Variants in SETX observed in about 807,000 individuals in gnomAD.
SETX encodes the protein helicase senataxin.
SETX carries 90 observed loss-of-function variants against 227.2 expected under a neutral mutation model. The observed-to-expected ratio is 0.40, with a 90% CI of 0.33 to 0.47. The LOEUF (loss-of-function observed/expected upper bound fraction) is 0.47. Ranked by LOEUF, SETX falls within the 20% of genes least tolerant of loss-of-function variation. The pLI is 0.91. For synonymous variants in SETX, 1,210 were observed against 1,113.2 expected, an observed-to-expected ratio of 1.09 and a Z score of -1.73; for missense variants, 3,052 against 3,181.5, an observed-to-expected ratio of 0.96 and a Z score of 0.98.
At chr9:132,319,120 C>A (rs1315320863) in intron 10 of SETX, among the ~76,000 whole-genome samples, 1 of 152,132 alleles carries the variant, frequency 6.6e-6, no homozygotes, top group African/African-American at 2.4e-5. Context: ...CAGAATCATC[C>A]TCCCTTCTTA....
chr9:132,352,116 C>T (rs1328933152), intron 2 of SETX, among the ~76,000 whole-genome samples: 2 of 152,274 alleles, frequency 1.3e-5, no homozygotes, highest in East Asian at 1.9e-4. Flanking sequence ...TCTTCAGCTC[C>T]TTTGCACTCT....
rs898369622 is a variant in SETX at position 132,336,201 on chromosome 9, C to T, written c.718+95G>A. The stretch of plus-strand genomic sequence containing the variant: ...GAGCTTGCGGTGAGTGGAGATGGTG[C>T]CACTGCACTCCAGCCTGGGCAACAG... On this transcript the variant is annotated intron_variant, in intron 6 of 25. Transcript: ENST00000224140. The T allele has an allele frequency of 2.3e-5, 23 of 1,011,304 alleles. No individual in the cohort carries two copies. The African/African-American group carries it at 2.6e-4, about 12-fold the overall frequency. 62.6% of individuals were successfully genotyped at this position (1,011,304 alleles called of 1,614,324 possible). A position where few individuals can be genotyped will look rare whatever the true frequency, so the allele number is the denominator to read the frequency against.
intron 15 of SETX, among the ~76,000 whole-genome samples, chr9:132,293,509 C>A (rs1382401558): frequency 6.6e-6 from 1 of 152,162 alleles, no homozygotes; most frequent in Non-Finnish European, 1.5e-5. Context: ...GCAACCTCCA[C>A]TTCCCGGGTT....
At chr9:132,346,510 A>C (rs760667094) in intron 3 of SETX, 39 bp from the exon 4 acceptor site, 10 of 1,409,198 alleles carry the variant, frequency 7.1e-6, no homozygotes, top group Non-Finnish European at 9.9e-6. Flanking sequence ...GTTATGTCTT[A>C]TCATCAACAA....
intron 20 of SETX, among the ~76,000 whole-genome samples, chr9:132,278,785 T>G (rs141632991): frequency 6.4e-4 from 97 of 152,314 alleles, no homozygotes; most frequent in African/African-American, 2.3e-3. Flanking sequence ...TTAACAATTA[T>G]TTCTGGGGGT....
At chr9:132,312,951 A>C (rs1373988068) in intron 10 of SETX, among the ~76,000 whole-genome samples, 1 of 152,222 alleles carries the variant, frequency 6.6e-6, no homozygotes, top group East Asian at 1.9e-4. Flanking sequence ...GATAGGCCTC[A>C]AAAAGATTAC....
intron 2 of SETX, among the ~76,000 whole-genome samples, chr9:132,351,201 C>T (rs577436308): frequency 7.2e-5 from 11 of 151,990 alleles, no homozygotes; most frequent in African/African-American, 2.4e-4. Context: ...ACTTAGAAGA[C>T]GTAAGAACAG....
rs925468847 is a variant in SETX at position 132,296,137 on chromosome 9, C to T, written c.5950-109G>A. On this transcript the variant is annotated intron_variant, in intron 14 of 25. Transcript: ENST00000224140. ...ACTTCCATGTATTTTTGAAAGTTCT[C>T]GTAATAAAGTTAAAAATAAATAAAA... 15 of 1,327,976 alleles carry T rather than the reference C, an allele frequency of 1.1e-5. No individual in the cohort carries two copies. The Admixed American group carries it at 1.3e-4, about 11-fold the overall frequency. 82.3% of individuals were successfully genotyped at this position (1,327,976 alleles called of 1,614,324 possible).
chr9:132,349,364 G>A lies in SETX; in HGVS notation c.65C>T (p.Ala22Val). 6.2e-7 allele frequency: 1 copy of A among 1,614,172 alleles called. No homozygotes were observed. The highest frequency in any genetic ancestry group is 1.3e-5 in the African/African-American group (1 of 75,048). The change falls in exon 3 of 26, where the codon GCT becomes GTT. Residue 22 changes from alanine to valine, a missense_variant. This residue lies in a region of SETX where 152 missense variants were observed against 156.2 expected (regional missense o/e 0.97). Coordinates refer to ENST00000224140, the MANE Select transcript of SETX (RefSeq NM_015046.7). ...ASTIDFLKRY[A>V]SNTPSGEFQT... ...AAATTCACCGGACGGAGTGTTGGAA[G>A]CATAGCGCTTTAGGAAGTCAATGGT...
At chr9:132,323,975 C>G (rs1265677718) in intron 10 of SETX, among the ~76,000 whole-genome samples, 1 of 151,816 alleles carries the variant, frequency 6.6e-6, no homozygotes, top group East Asian at 1.9e-4. Flanking sequence ...AAAATAGTTA[C>G]TTGAGGGGAT....
chr9:132,324,021 A>G (rs936231290), intron 10 of SETX, among the ~76,000 whole-genome samples: 3 of 152,234 alleles, frequency 2.0e-5, no homozygotes, highest in Non-Finnish European at 4.4e-5. Context: ...TGGGCCAGAT[A>G]GAAATCTTTG....
At chr9:132,297,180 G>A in intron 13 of SETX, 126 bp from the exon 14 acceptor site, 1 of 691,708 alleles carries the variant, frequency 1.4e-6, no homozygotes, top group Non-Finnish European at 2.2e-6. Flanking sequence ...GTTATGGTCA[G>A]ACAAGACAAG....
intron 15 of SETX, among the ~76,000 whole-genome samples, chr9:132,291,098 T>A (rs1026962239): frequency 6.6e-6 from 1 of 151,988 alleles, no homozygotes; most frequent in African/African-American, 2.4e-5. Flanking sequence ...GCATATTTTT[T>A]ATCCCAGTTC....
At chr9:132,305,912 T>TG (rs1845310102) in intron 11 of SETX, among the ~76,000 whole-genome samples, 1 of 152,232 alleles carries the variant, frequency 6.6e-6, no homozygotes, top group African/African-American at 2.4e-5. Context: ...ACCCTGGTTT[T>TG]GATCATTGTT....
intron 11 of SETX, among the ~76,000 whole-genome samples, chr9:132,305,731 C>G (rs1845296103): frequency 6.6e-6 from 1 of 152,126 alleles, no homozygotes; most frequent in Non-Finnish European, 1.5e-5. Context: ...CCATGAAAGA[C>G]AGAGAGAATG....
intron 20 of SETX, 42 bp from the exon 21 acceptor site, chr9:132,278,299 TTA>T (rs1243813707): frequency 1.1e-5 from 17 of 1,594,736 alleles, no homozygotes; most frequent in Non-Finnish European, 1.5e-5. Context: ...AAGAATTCAT[TTA>T]TATCTTTCCC....
chr9:132,314,325 G>A lies in SETX; in HGVS notation c.5275-2469C>T, dbSNP rs532119499. ...GCTGGTCTTGAACTCCTGACCTCAG[G>A]TGATCCACCTGCCTCAGCCTCCCAA... On this transcript the variant is annotated intron_variant, in intron 10 of 25. Transcript: ENST00000224140. Among the ~76,000 whole-genome samples, 11 of 152,272 alleles carry A rather than the reference G, an allele frequency of 7.2e-5. No homozygotes were observed. The South Asian group carries it at 2.1e-3, about 29-fold the overall frequency.
At chr9:132,284,231 C>T (rs771656465) in intron 18 of SETX, among the ~76,000 whole-genome samples, 1 of 152,126 alleles carries the variant, frequency 6.6e-6, no homozygotes, top group Non-Finnish European at 1.5e-5. Context: ...GTTTCATGGC[C>T]CACAGAACAC....
Position 132,324,199 on chromosome 9 carries a change from C to T in SETX, c.5274+2125G>A, listed in dbSNP as rs369968983. Among the ~76,000 whole-genome samples, 4 of 151,304 alleles carry T rather than the reference C, an allele frequency of 2.6e-5. No individual in the cohort carries two copies. The East Asian group carries it at 5.9e-4, about 22-fold the overall frequency. ...CATAGGGTTATGAATGGCTTCTAAGCAATTTAGTGCTTTCCAGCGAAAATA... is the reference window on the plus strand; with the variant it reads ...CATAGGGTTATGAATGGCTTCTAAGTAATTTAGTGCTTTCCAGCGAAAATA... On this transcript the variant is annotated intron_variant, in intron 10 of 25. Coordinates refer to ENST00000224140, the MANE Select transcript of SETX (RefSeq NM_015046.7).
Sources: allele counts gnomAD v4.1 joint callset (sites outside exome capture counted in the v4.1 genomes callset), GRCh38; gene constraint gnomAD v4.1.1; regional missense constraint gnomAD v4.1.1; transcripts MANE v1.5; gene names NCBI Gene and HGNC (gene_info 2026-07-23, HGNC 2026-07-21).